Variants in BTNL9 observed in about 807,000 individuals in gnomAD.
BTNL9 encodes the protein butyrophilin-like protein 9.
Under a neutral mutation model 45.8 loss-of-function variants are expected in BTNL9, and 45 were observed. That is an observed-to-expected ratio of 0.98 (90% CI 0.77 to 1.26). The LOEUF (loss-of-function observed/expected upper bound fraction) is 1.26, where lower values mean the gene tolerates loss of function less well. Among genes scored for constraint, BTNL9 ranks in the 50% most tolerant of loss-of-function variants. The pLI, the probability that BTNL9 is intolerant of heterozygous loss-of-function variation, is 0.00. For missense variants in BTNL9, 784 were observed against 729.7 expected, an observed-to-expected ratio of 1.07 and a Z score of -0.86; for synonymous variants, 346 against 330.8, an observed-to-expected ratio of 1.05 and a Z score of -0.50.
chr5:181,053,853 TCGGG>T lies in BTNL9; in HGVS notation c.886+356_886+359del. Reference sequence around the variant, plus strand: ...CCAGGTTTTCATAGCGCACAGGGAGTCGGGCGGATGCGCAACATCTCCGCACAGG... The same window carrying T: ...CCAGGTTTTCATAGCGCACAGGGAGTCGGATGCGCAACATCTCCGCACAGG... On this transcript the variant is annotated intron_variant, in intron 6 of 10. Transcript: ENST00000327705. The surrounding 1 kb of genome is among the most constrained non-coding windows in gnomAD (Gnocchi z 6.5). 6.7e-7 allele frequency: 1 copy of T among 1,501,842 alleles called. No homozygotes were observed. Among genetic ancestry groups the T allele is most frequent in the Non-Finnish European group, 8.9e-7 (1 of 1,125,928 alleles). 93.0% of individuals were successfully genotyped at this position (1,501,842 alleles called of 1,614,324 possible).
intron 4 of BTNL9, among the ~76,000 whole-genome samples, chr5:181,051,089 C>A (rs201312147): frequency 0.039 from 5,096 of 130,346 alleles, 77 homozygotes; most frequent in Middle Eastern, 0.066. Flanking sequence ...AAAAAAAAAA[C>A]AAAAAAAAAA....
chr5:181,054,688 A>G (rs1761782193), intron 7 of BTNL9: 4 of 985,076 alleles, frequency 4.1e-6, no homozygotes, highest in South Asian at 4.7e-5. Context: ...CTCTGTAGAG[A>G]GGAAGAGAGA....
intron 1 of BTNL9, chr5:181,043,335 T>C (rs1290889564): frequency 1.3e-5 from 2 of 151,936 alleles, no homozygotes; most frequent in Non-Finnish European, 2.9e-5. Flanking sequence ...CCCCTGAAGA[T>C]TCCATGATGG....
In BTNL9 at chr5:181,050,311, C is replaced by T. The variant is rs773088971; in HGVS notation, c.678C>T (p.Ser226=). The T allele has an allele frequency of 2.5e-5, 41 of 1,613,980 alleles. No homozygotes were observed. The highest frequency in any genetic ancestry group is 1.6e-4 in the East Asian group (7 of 44,900). ...GAGCGGGAGCCCTCAGCAATGTGTCCGTCTCCATCCAGAATCTCCTCTTGA... is the reference window on the plus strand; with the variant it reads ...GAGCGGGAGCCCTCAGCAATGTGTCTGTCTCCATCCAGAATCTCCTCTTGA... ...VVRAGALSNV[S]VSIQNLLLSQ... is the part of the protein sequence containing the mutation. Residue 226 remains serine (S), a synonymous_variant, in exon 4 of 11, where the codon TCC becomes TCT. Coordinates refer to ENST00000327705, the MANE Select transcript of BTNL9 (RefSeq NM_152547.5). The surrounding 1 kb of genome is among the most constrained non-coding windows in gnomAD (Gnocchi z 4.9).
chr5:181,052,471 G>A (rs1761594454), intron 4 of BTNL9, among the ~76,000 whole-genome samples: 1 of 152,208 alleles, frequency 6.6e-6, no homozygotes, highest in Admixed American at 6.5e-5. Flanking sequence ...GTTAAGATGG[G>A]AAAGGTTGTT....
At chr5:181,045,435 C>G in intron 1 of BTNL9, 32 bp from the exon 2 acceptor site, 3 of 1,173,238 alleles carry the variant, frequency 2.6e-6, no homozygotes, top group Non-Finnish European at 3.8e-6. Flanking sequence ...TACCTTTGCA[C>G]GTCGCTCCAG....
intron 3 of BTNL9, among the ~76,000 whole-genome samples, chr5:181,048,475 C>T (rs981343456): frequency 6.6e-6 from 1 of 151,878 alleles, no homozygotes; most frequent in Non-Finnish European, 1.5e-5. Flanking sequence ...ATGAAAAGGG[C>T]CGGGTACAGT....
In BTNL9 at chr5:181,045,692, G is replaced by A. The variant is rs188707264; in HGVS notation, c.109+94G>A. ...TACGATCTTAGCACAGTACCAGGGCGTGCCAGACGCTAAAATACAAAAAAG... is the reference window on the plus strand; with the variant it reads ...TACGATCTTAGCACAGTACCAGGGCATGCCAGACGCTAAAATACAAAAAAG... On this transcript the variant is annotated intron_variant, in intron 2 of 10. Transcript: ENST00000327705. 96 of 985,860 alleles carry A rather than the reference G, an allele frequency of 9.7e-5. No homozygotes were observed. The African/African-American group carries it at 1.0e-3, about 11-fold the overall frequency. The allele number at this position is 985,860 out of a possible 1,614,324, so 61.1% of individuals were successfully genotyped here.
In BTNL9 at chr5:181,048,361, T is replaced by C. The variant is rs1190617690; in HGVS notation, c.454+90T>C. 4.9e-6 allele frequency: 6 copies of C among 1,227,344 alleles called. No individual in the cohort carries two copies. In the South Asian group the frequency reaches 9.3e-5, roughly 19 times the overall value. 76.0% of individuals were successfully genotyped at this position (1,227,344 alleles called of 1,614,324 possible). On this transcript the variant is annotated intron_variant, in intron 3 of 10. Transcript: ENST00000327705. ...TGGAGTCACAGAGAACAGAAGAATG[T>C]CGGTGATTTTTAAAAAACATAAAAG...
intron 3 of BTNL9, among the ~76,000 whole-genome samples, chr5:181,048,477 G>A (rs182496936): frequency 2.0e-5 from 3 of 152,018 alleles, no homozygotes; most frequent in East Asian, 3.9e-4. Context: ...GAAAAGGGCC[G>A]GGTACAGTGG....
chr5:181,057,980 C>T lies in BTNL9; in HGVS notation c.956-372C>T, dbSNP rs553420049. On this transcript the variant is annotated intron_variant, in intron 9 of 10. Coordinates refer to ENST00000327705, the MANE Select transcript of BTNL9 (RefSeq NM_152547.5). ...ACATCTGGAGGGCATCTTTGGGACC[C>T]GTCAGGCTCAGCTGGGCCTCCTGGG... Among the ~76,000 whole-genome samples the T allele has an allele frequency of 5.1e-4, 78 of 152,268 alleles. 1 individual carries two copies. Among genetic ancestry groups the T allele is most frequent in the Middle Eastern group, 3.4e-3 (1 of 294 alleles).
At position 181,045,475 on chromosome 5, in the gene BTNL9, C is replaced by A. The variant is rs1339021621; in HGVS notation, c.-15C>A. The A allele has an allele frequency of 4.5e-6, 7 of 1,565,822 alleles. No homozygotes were observed. The highest frequency in any genetic ancestry group is 1.1e-5 in the South Asian group (1 of 90,326). On this transcript the variant is annotated 5_prime_UTR_variant, in exon 2 of 11. Coordinates refer to ENST00000327705, the MANE Select transcript of BTNL9 (RefSeq NM_152547.5). ...CCTTTGTCCCTCTCCAGGTGGCCCC[C>A]ACTGCTGACGAGAGATGGTGGACCT...
chr5:181,059,929 CCTG>C lies in BTNL9; in HGVS notation c.*70_*72del. On this transcript the variant is annotated 3_prime_UTR_variant, in exon 11 of 11. Transcript: ENST00000327705. ...GGATCCCAGGCCAGCGCTTTGCTCTCCTGCTCCGTCTGAAGGGAGCAGGTGCAC... is the reference window on the plus strand; with the variant it reads ...GGATCCCAGGCCAGCGCTTTGCTCTCCTCCGTCTGAAGGGAGCAGGTGCAC... The C allele has an allele frequency of 7.3e-7, 1 of 1,370,596 alleles. No homozygotes were observed. Among genetic ancestry groups the C allele is most frequent in the Admixed American group, 2.6e-5 (1 of 38,362 alleles). The allele number at this position is 1,370,596 out of a possible 1,614,324, so 84.9% of individuals were successfully genotyped here. A position where few individuals can be genotyped will look rare whatever the true frequency, so the allele number is the denominator to read the frequency against.
chr5:181,058,782 T>C (rs1295308058), intron 10 of BTNL9, among the ~76,000 whole-genome samples: 1 of 146,864 alleles, frequency 6.8e-6, no homozygotes, highest in Non-Finnish European at 1.5e-5. Flanking sequence ...CCTTTTAAAA[T>C]CCTTTTAAAA....
At position 181,053,990 on chromosome 5, in the gene BTNL9, A is replaced by G. The variant is rs976299032; in HGVS notation, c.887-249A>G. ...ATAGATTTGGGAGGCTCCGACCCTG[A>G]TTTTCACACTAGCAGGAGGGAGGGC... is the stretch of plus-strand genomic sequence containing the variant. On this transcript the variant is annotated intron_variant, in intron 6 of 10. Coordinates refer to ENST00000327705, the MANE Select transcript of BTNL9 (RefSeq NM_152547.5). This position sits in a 1 kb window ranked among gnomAD's most constrained non-coding sequence, Gnocchi z 6.5. 2.0e-6 allele frequency: 3 copies of G among 1,534,932 alleles called. No homozygotes were observed. Among genetic ancestry groups the G allele is most frequent in the Non-Finnish European group, 8.7e-7 (1 of 1,144,640 alleles).
At position 181,059,918 on chromosome 5, in the gene BTNL9, C is replaced by G. The variant is rs1762088269; in HGVS notation, c.*56C>G. ...GGGGGCCCCCTGGATCCCAGGCCAG[C>G]GCTTTGCTCTCCTGCTCCGTCTGAA... On this transcript the variant is annotated 3_prime_UTR_variant, in exon 11 of 11. Transcript: ENST00000327705. 3.5e-6 allele frequency: 5 copies of G among 1,424,556 alleles called. No individual in the cohort carries two copies. The Admixed American group carries it at 6.9e-5, about 20-fold the overall frequency. 88.2% of individuals were successfully genotyped at this position (1,424,556 alleles called of 1,614,324 possible).
At chr5:181,054,130 C>A in intron 6 of BTNL9, 109 bp from the exon 7 acceptor site, 49 of 1,566,784 alleles carry the variant, frequency 3.1e-5, no homozygotes, top group Non-Finnish European at 4.2e-5. Context: ...GGTGGGAGTG[C>A]CGCATCGGAG....
rs1003421153 is a variant in BTNL9 at position 181,042,794 on chromosome 5, C to T, written c.-24+2362C>T. On this transcript the variant is annotated intron_variant, in intron 1 of 10. Coordinates refer to ENST00000327705, the MANE Select transcript of BTNL9 (RefSeq NM_152547.5). This position sits in a 1 kb window ranked among gnomAD's most constrained non-coding sequence, Gnocchi z 4.5. ...GGTTGGCTGGTTTTGTGGCTGGCACCGTGTGAGCCGGTCGCTTCTTCAGTG... is the reference window on the plus strand; with the variant it reads ...GGTTGGCTGGTTTTGTGGCTGGCACTGTGTGAGCCGGTCGCTTCTTCAGTG... 3.9e-5 allele frequency among the ~76,000 whole-genome samples: 6 copies of T among 152,104 alleles called. No individual in the cohort carries two copies. The highest frequency in any genetic ancestry group is 2.0e-4 in the Admixed American group (3 of 15,262).
chr5:181,048,885 CAT>C (rs1174334033), intron 3 of BTNL9, among the ~76,000 whole-genome samples: 325 of 54,012 alleles, frequency 6.0e-3, no homozygotes, highest in Non-Finnish European at 9.5e-3. Context: ...TATAATATAT[CAT>C]ATATATGATA....
Sources: gnomAD v4.1 joint callset for allele counts (sites outside exome capture counted in the v4.1 genomes callset) on GRCh38, gnomAD v4.1.1 for gene constraint, Gnocchi (gnomAD v3.1) non-coding constraint, MANE v1.5 for transcripts, NCBI Gene and HGNC (gene_info 2026-07-23, HGNC 2026-07-21) for gene names.